INSYN2B: variants seen among roughly 807,000 people sequenced by gnomAD.
INSYN2B encodes the protein protein INSYN2B.
INSYN2B carries 16 observed loss-of-function variants against 41.2 expected under a neutral mutation model. The observed-to-expected ratio is 0.39, with a 90% CI of 0.26 to 0.59. The LOEUF (loss-of-function observed/expected upper bound fraction) is 0.59, where lower values mean the gene tolerates loss of function less well. Among genes scored for constraint, INSYN2B ranks in the 20% least tolerant of loss-of-function variants. The probability of loss-of-function intolerance (pLI) is 0.57; values close to 1 mark genes in which losing one functional copy is unlikely to be tolerated. For synonymous variants in INSYN2B, 245 were observed against 244.4 expected, an observed-to-expected ratio of 1.00 and a Z score of -0.02; for missense variants, 608 against 646.4, an observed-to-expected ratio of 0.94 and a Z score of 0.64.
intron 3 of INSYN2B, among the ~76,000 whole-genome samples, chr5:169,872,654 G>A (rs897701227): frequency 6.6e-6 from 1 of 152,194 alleles, no homozygotes; most frequent in African/African-American, 2.4e-5. Context: ...CTCTGTGCCA[G>A]TAAGATCTGC....
chr5:169,867,592 TTATC>T (rs765796084), intron 3 of INSYN2B, among the ~76,000 whole-genome samples: 7 of 151,628 alleles, frequency 4.6e-5, no homozygotes, highest in Non-Finnish European at 7.4e-5. Context: ...TCATCTATCG[TTATC>T]TATCCATCTA....
intron 3 of INSYN2B, among the ~76,000 whole-genome samples, chr5:169,879,225 G>T (rs1303990416): frequency 1.3e-5 from 2 of 152,214 alleles, no homozygotes; most frequent in Non-Finnish European, 2.9e-5. Context: ...ACAGTGACAT[G>T]CACTGAGCGC....
chr5:169,975,533 C>T (rs1415892858), intron 1 of INSYN2B, among the ~76,000 whole-genome samples: 1 of 152,156 alleles, frequency 6.6e-6, no homozygotes, highest in African/African-American at 2.4e-5. Flanking sequence ...TCAGCTCCTC[C>T]GACGCTCCAA....
At chr5:169,915,935 CTT>C (rs1482586722) in intron 1 of INSYN2B, among the ~76,000 whole-genome samples, 2 of 152,160 alleles carry the variant, frequency 1.3e-5, no homozygotes, top group African/African-American at 4.8e-5. Flanking sequence ...AAATCCTACT[CTT>C]AAGAAACGTT....
intron 1 of INSYN2B, among the ~76,000 whole-genome samples, chr5:169,962,385 T>C (rs961228295): frequency 7.2e-5 from 11 of 152,250 alleles, no homozygotes; most frequent in Non-Finnish European, 1.5e-4. Context: ...AAGGTTTCCA[T>C]AGAGGCAACC....
At chr5:169,903,072 T>TA (rs1774030852) in intron 1 of INSYN2B, among the ~76,000 whole-genome samples, 1 of 151,356 alleles carries the variant, frequency 6.6e-6, no homozygotes, top group African/African-American at 2.4e-5. Flanking sequence ...TACTCCAGCC[T>TA]GGCGACAGAG....
intron 1 of INSYN2B, among the ~76,000 whole-genome samples, chr5:169,953,332 CAAA>C (rs576183648): frequency 4.0e-5 from 5 of 123,486 alleles, no homozygotes; most frequent in Admixed American, 1.6e-4. Context: ...GACTCTATCT[CAAA>C]AAAAAAAAAA....
rs111505868 is a variant in INSYN2B at position 169,980,436 on chromosome 5, G to T, written c.-1078C>A. The T allele has an allele frequency of 6.6e-6, 1 of 152,034 alleles. No homozygotes were observed. 9.4% of individuals were successfully genotyped at this position (152,034 alleles called of 1,614,324 possible). ...CAAGAAGTGTAGTGGGTCTGCTCAC[G>T]TAGGAATAAATAAAAAGCCGAACAA... On this transcript the variant is annotated 5_prime_UTR_variant, in exon 1 of 4. It introduces an in-frame stop codon into an upstream open reading frame of the 5' UTR. Coordinates refer to ENST00000377365, the MANE Select transcript of INSYN2B (RefSeq NM_001129891.3).
chr5:169,942,508 G>C (rs1422419614), intron 1 of INSYN2B, among the ~76,000 whole-genome samples: 2 of 152,174 alleles, frequency 1.3e-5, no homozygotes, highest in Non-Finnish European at 2.9e-5. Context: ...TCATAAATTT[G>C]AACTCATTTG....
intron 1 of INSYN2B, among the ~76,000 whole-genome samples, chr5:169,955,446 T>C (rs2113733702): frequency 6.6e-6 from 1 of 152,254 alleles, no homozygotes; most frequent in East Asian, 1.9e-4. Flanking sequence ...CCCTGGACAG[T>C]ACGTGCTGTC....
Position 169,864,152 on chromosome 5 carries a change from A to T in INSYN2B, c.*121T>A, listed in dbSNP as rs1361748175. 2.3e-6 allele frequency: 2 copies of T among 870,344 alleles called. No homozygotes were observed. The highest frequency in any genetic ancestry group is 3.4e-5 in the African/African-American group (2 of 58,808). 53.9% of individuals were successfully genotyped at this position (870,344 alleles called of 1,614,324 possible). On this transcript the variant is annotated 3_prime_UTR_variant, in exon 4 of 4. Coordinates refer to ENST00000377365, the MANE Select transcript of INSYN2B (RefSeq NM_001129891.3). ...CAGCTCCAAGGCTCTTCTGTTTCACAGGCCAAGGGGCTCACAGCCCAGGGC... is the reference window on the plus strand; with the variant it reads ...CAGCTCCAAGGCTCTTCTGTTTCACTGGCCAAGGGGCTCACAGCCCAGGGC...
intron 1 of INSYN2B, among the ~76,000 whole-genome samples, chr5:169,909,093 G>A (rs964943078): frequency 6.6e-6 from 1 of 152,152 alleles, no homozygotes; most frequent in Non-Finnish European, 1.5e-5. Flanking sequence ...GCTGATGTGA[G>A]GAGAGTCTGT....
chr5:169,978,421 A>G (rs1047201757), intron 1 of INSYN2B, among the ~76,000 whole-genome samples: 8 of 129,078 alleles, frequency 6.2e-5, no homozygotes, highest in African/African-American at 2.4e-4. Context: ...GTGTGTTTGC[A>G]TTAGAGGTTG....
chr5:169,895,289 C>G (rs1266237892), intron 1 of INSYN2B, among the ~76,000 whole-genome samples: 2 of 152,208 alleles, frequency 1.3e-5, no homozygotes, highest in Non-Finnish European at 2.9e-5. Flanking sequence ...CTTCCTTTCT[C>G]TCCCTCCTCC....
intron 1 of INSYN2B, among the ~76,000 whole-genome samples, chr5:169,913,932 TTG>T (rs1774741695): frequency 1.3e-5 from 2 of 152,208 alleles, no homozygotes; most frequent in African/African-American, 4.8e-5. Context: ...GAAAATGAGA[TTG>T]TGTCCATTTC....
intron 2 of INSYN2B, 66 bp downstream of exon 2, chr5:169,882,487 C>T: frequency 2.2e-6 from 3 of 1,350,376 alleles, no homozygotes; most frequent in East Asian, 2.5e-5. Context: ...CCAAAGCTGT[C>T]TCTGCCCCTG....
intron 1 of INSYN2B, among the ~76,000 whole-genome samples, chr5:169,975,996 T>C (rs1350460992): frequency 6.6e-6 from 1 of 152,234 alleles, no homozygotes; most frequent in Admixed American, 6.5e-5. Context: ...AGAACAAAAC[T>C]TCTTTCATTT....
chr5:169,942,169 A>C (rs879665165), intron 1 of INSYN2B, among the ~76,000 whole-genome samples: 1 of 152,246 alleles, frequency 6.6e-6, no homozygotes, highest in Non-Finnish European at 1.5e-5. Context: ...GAAAGTCTGT[A>C]GCATATCTTA....
chr5:169,862,817 G>T lies in INSYN2B; in HGVS notation c.*1456C>A, dbSNP rs773517162. Among the ~76,000 whole-genome samples the T allele has an allele frequency of 1.3e-5, 2 of 152,200 alleles. No individual in the cohort carries two copies. Among genetic ancestry groups the T allele is most frequent in the Non-Finnish European group, 2.9e-5 (2 of 68,024 alleles). On this transcript the variant is annotated 3_prime_UTR_variant, in exon 4 of 4. Coordinates refer to ENST00000377365, the MANE Select transcript of INSYN2B (RefSeq NM_001129891.3). ...TGGTTTGCTCAATTAGGCTCAATTT[G>T]CAGTGGGGTAGGTACATCCCACGAA...
Sources: gnomAD v4.1 joint callset for allele counts (sites outside exome capture counted in the v4.1 genomes callset) on GRCh38, gnomAD v4.1.1 for gene constraint, MANE v1.5 for transcripts, NCBI Gene and HGNC (gene_info 2026-07-23, HGNC 2026-07-21) for gene names.